The following UMAD1 variants were observed in gnomAD, a reference collection of about 807,000 sequenced individuals.
UMAD1 encodes the protein UBAP1-MVB12-associated (UMA)-domain containing protein 1.
Under a neutral mutation model 6.1 loss-of-function variants are expected in UMAD1, and 8 were observed. That is an observed-to-expected ratio of 1.30 (90% CI 0.76 to 2.35). The LOEUF (loss-of-function observed/expected upper bound fraction) is 2.35, where lower values mean the gene tolerates loss of function less well. UMAD1 is among the 30% of genes most tolerant of loss of function. UMAD1 has a pLI of 0.00. For synonymous variants in UMAD1, 56 were observed against 31.4 expected, an observed-to-expected ratio of 1.78 and a Z score of -2.61; for missense variants, 130 against 78.4, an observed-to-expected ratio of 1.66 and a Z score of -2.49.
chr7:7,872,324 G>A (rs1475842721), intron 3 of UMAD1, among the ~76,000 whole-genome samples: 1 of 152,134 alleles, frequency 6.6e-6, no homozygotes, highest in Non-Finnish European at 1.5e-5. Context: ...CTAAACAAAT[G>A]TACATGTCTT....
At chr7:7,699,038 G>C (rs939163454) in intron 2 of UMAD1, among the ~76,000 whole-genome samples, 20 of 122,740 alleles carry the variant, frequency 1.6e-4, no homozygotes, top group African/African-American at 6.3e-4. Context: ...TATAGTTTGT[G>C]TGTGTGTGTG....
intron 3 of UMAD1, among the ~76,000 whole-genome samples, chr7:7,804,216 G>T (rs1407555399): frequency 6.6e-6 from 1 of 152,216 alleles, no homozygotes; most frequent in East Asian, 1.9e-4. Context: ...AAGAAAAGTG[G>T]AGTGGGAGAC....
At chr7:7,689,890 A>G (rs577348321) in intron 2 of UMAD1, among the ~76,000 whole-genome samples, 1 of 152,210 alleles carries the variant, frequency 6.6e-6, no homozygotes, top group Non-Finnish European at 1.5e-5. Flanking sequence ...ATTAACAACC[A>G]TAGTAATTGG....
At chr7:7,697,186 A>G (rs954564611) in intron 2 of UMAD1, among the ~76,000 whole-genome samples, 2 of 152,186 alleles carry the variant, frequency 1.3e-5, no homozygotes, top group African/African-American at 2.4e-5. Context: ...TCTTGATGGA[A>G]TGTGTACCTG....
chr7:7,793,984 T>G (rs1470618536), intron 2 of UMAD1, among the ~76,000 whole-genome samples: 1 of 152,168 alleles, frequency 6.6e-6, no homozygotes, highest in Non-Finnish European at 1.5e-5. Flanking sequence ...GCAGAATTTC[T>G]TAGATGCTAA....
chr7:7,645,973 G>A (rs1213021013), intron 1 of UMAD1, among the ~76,000 whole-genome samples: 1 of 152,078 alleles, frequency 6.6e-6, no homozygotes, highest in Non-Finnish European at 1.5e-5. Flanking sequence ...TCGTTTGCTC[G>A]GCTGCCGTGT....
At chr7:7,650,360 A>T (rs1444962704) in intron 1 of UMAD1, among the ~76,000 whole-genome samples, 1 of 152,222 alleles carries the variant, frequency 6.6e-6, no homozygotes, top group African/African-American at 2.4e-5. Context: ...CGAGTTCTCA[A>T]AGCATAGTTT....
At chr7:7,762,850 A>C (rs970011754) in intron 2 of UMAD1, among the ~76,000 whole-genome samples, 2 of 151,232 alleles carry the variant, frequency 1.3e-5, no homozygotes, top group Non-Finnish European at 3.0e-5. Flanking sequence ...TTGAAAGCAC[A>C]TTACATATAT....
chr7:7,870,782 C>A (rs1393780557), intron 3 of UMAD1, among the ~76,000 whole-genome samples: 1 of 152,190 alleles, frequency 6.6e-6, no homozygotes, highest in Non-Finnish European at 1.5e-5. Flanking sequence ...ACCCTGCTGC[C>A]AAGAGGGCAG....
intron 2 of UMAD1, among the ~76,000 whole-genome samples, chr7:7,767,421 A>G (rs376957288): frequency 6.6e-6 from 1 of 152,188 alleles, no homozygotes; most frequent in African/African-American, 2.4e-5. Context: ...CACCGCGCCC[A>G]GCCAGAAATT....
chr7:7,694,044 T>G (rs2115141996), intron 2 of UMAD1, among the ~76,000 whole-genome samples: 1 of 152,288 alleles, frequency 6.6e-6, no homozygotes, highest in East Asian at 1.9e-4. Context: ...ACTGAGTCAT[T>G]AGACACTTGA....
rs544363372 is a variant in UMAD1 at position 7,877,796 on chromosome 7, C to T, written c.*258C>T. ...GAAGGTTTTAGGAAAGGACTCGATT[C>T]CTTCAGATGGTCTCTCAAAATATAA... On this transcript the variant is annotated 3_prime_UTR_variant, in exon 4 of 4. Transcript: ENST00000682710. The T allele has an allele frequency of 7.2e-6, 3 of 416,344 alleles. No individual in the cohort carries two copies. Among genetic ancestry groups the T allele is most frequent in the African/African-American group, 6.0e-5 (3 of 49,748 alleles). The allele number at this position is 416,344 out of a possible 1,614,324, so 25.8% of individuals were successfully genotyped here. A position where few individuals can be genotyped will look rare whatever the true frequency, so the allele number is the denominator to read the frequency against.
chr7:7,866,385 G>A (rs1340009343), intron 3 of UMAD1, among the ~76,000 whole-genome samples: 2 of 152,198 alleles, frequency 1.3e-5, no homozygotes, highest in Non-Finnish European at 2.9e-5. Flanking sequence ...TGCATAAGCT[G>A]TTAAGGGAAC....
chr7:7,850,308 A>G (rs1385465153), intron 3 of UMAD1, among the ~76,000 whole-genome samples: 1 of 152,072 alleles, frequency 6.6e-6, no homozygotes, highest in Non-Finnish European at 1.5e-5. Flanking sequence ...ATATTTAATA[A>G]TATATCCAAT....
chr7:7,716,259 T>C (rs1470267866), intron 2 of UMAD1, among the ~76,000 whole-genome samples: 1 of 152,148 alleles, frequency 6.6e-6, no homozygotes, highest in Non-Finnish European at 1.5e-5. Flanking sequence ...TTCGATATTA[T>C]TACAACATGG....
chr7:7,780,582 G>T (rs559243810), intron 2 of UMAD1, among the ~76,000 whole-genome samples: 6 of 152,288 alleles, frequency 3.9e-5, no homozygotes, highest in East Asian at 1.9e-4. Flanking sequence ...TCAAGGAAAA[G>T]AAATTGCAGA....
At chr7:7,723,256 A>G (rs781377386) in intron 2 of UMAD1, among the ~76,000 whole-genome samples, 3 of 152,188 alleles carry the variant, frequency 2.0e-5, no homozygotes, top group Non-Finnish European at 2.9e-5. Flanking sequence ...AGGCGTGGGA[A>G]TTGATATTAA....
chr7:7,701,857 T>G (rs1780472279), intron 2 of UMAD1, among the ~76,000 whole-genome samples: 1 of 152,190 alleles, frequency 6.6e-6, no homozygotes, highest in African/African-American at 2.4e-5. Context: ...GTATTTGCTT[T>G]CTTCAGTCTC....
intron 3 of UMAD1, among the ~76,000 whole-genome samples, chr7:7,853,823 C>G (rs1783964389): frequency 6.6e-6 from 1 of 152,062 alleles, no homozygotes; most frequent in African/African-American, 2.4e-5. Flanking sequence ...CTTAATTGCC[C>G]TGACTAGAAC....
Sources: gnomAD v4.1 joint callset for allele counts (sites outside exome capture counted in the v4.1 genomes callset) on GRCh38, gnomAD v4.1.1 for gene constraint, MANE v1.5 for transcripts, NCBI Gene and HGNC (gene_info 2026-07-23, HGNC 2026-07-21) for gene names.